The following STXBP5L variants were observed in gnomAD, a reference collection of about 807,000 sequenced individuals.
STXBP5L encodes syntaxin binding protein 5L, also known as syntaxin-binding protein 5-like.
In STXBP5L, 65 loss-of-function variants were observed where a neutral mutation model predicts 144.5. That is an observed-to-expected ratio of 0.45 (90% CI 0.37 to 0.55). The LOEUF (loss-of-function observed/expected upper bound fraction) is 0.55. Ranked by LOEUF, STXBP5L falls within the 20% of genes least tolerant of loss-of-function variation. STXBP5L has a pLI of 0.00. For missense variants in STXBP5L, 1,298 were observed against 1,405.5 expected (o/e 0.92, Z 1.22); for synonymous variants, 505 against 469.6 (o/e 1.08, Z -0.97).
intron 3 of STXBP5L, among the ~76,000 whole-genome samples, chr3:120,970,980 A>G (rs913144798): frequency 2.0e-5 from 3 of 152,134 alleles, no homozygotes; most frequent in Admixed American, 6.6e-5. Context: ...GGGAACACTT[A>G]CAGTGAGCAC....
intron 20 of STXBP5L, among the ~76,000 whole-genome samples, chr3:121,332,249 A>G (rs2044343860): frequency 6.6e-6 from 1 of 152,054 alleles, no homozygotes; most frequent in Non-Finnish European, 1.5e-5. Flanking sequence ...GATCCAAACC[A>G]AGATGAAATC....
At chr3:120,911,576 A>C (rs188233544) in intron 2 of STXBP5L, among the ~76,000 whole-genome samples, 25 of 152,218 alleles carry the variant, frequency 1.6e-4, no homozygotes, top group Non-Finnish European at 3.4e-4. Context: ...GTAATGCATA[A>C]ATGGAAAGGA....
At chr3:121,039,956 GTAGA>G (rs3046074) in intron 3 of STXBP5L, among the ~76,000 whole-genome samples, 15,040 of 151,728 alleles carry the variant, frequency 0.099, 1,161 homozygotes, top group Admixed American at 0.2. Context: ...AGATAGATAG[GTAGA>G]TAGATGGATG....
chr3:121,353,807 C>T (rs922992566), intron 20 of STXBP5L, among the ~76,000 whole-genome samples: 1 of 152,136 alleles, frequency 6.6e-6, no homozygotes, highest in African/African-American at 2.4e-5. Flanking sequence ...CCTGCTTTCT[C>T]TTGTGGACAT....
intron 22 of STXBP5L, among the ~76,000 whole-genome samples, chr3:121,389,044 A>G (rs2046504406): frequency 6.6e-6 from 1 of 152,178 alleles, no homozygotes; most frequent in South Asian, 2.1e-4. Flanking sequence ...TTGGTAGGCT[A>G]TTAATTATTG....
intron 3 of STXBP5L, among the ~76,000 whole-genome samples, chr3:121,034,618 A>G (rs1480621100): frequency 6.6e-6 from 1 of 151,934 alleles, no homozygotes; most frequent in Non-Finnish European, 1.5e-5. Context: ...TTATCGAACC[A>G]TCCATTAATG....
chr3:121,303,853 G>C (rs933775011), intron 19 of STXBP5L, among the ~76,000 whole-genome samples: 2 of 151,878 alleles, frequency 1.3e-5, no homozygotes, highest in Non-Finnish European at 2.9e-5. Flanking sequence ...ACAGGAAGGG[G>C]AACATCACAC....
intron 20 of STXBP5L, among the ~76,000 whole-genome samples, chr3:121,358,247 C>T (rs996263443): frequency 1.2e-4 from 18 of 149,294 alleles, no homozygotes; most frequent in Admixed American, 1.1e-3. Context: ...CCATCCGCAA[C>T]ACCTCCCTAA....
At chr3:121,396,146 G>C (rs540439047) in intron 22 of STXBP5L, among the ~76,000 whole-genome samples, 1 of 152,348 alleles carries the variant, frequency 6.6e-6, no homozygotes, top group East Asian at 1.9e-4. Context: ...TTCAGCTGCT[G>C]ATAACATCTG....
chr3:121,129,530 A>T (rs113262890), intron 7 of STXBP5L, among the ~76,000 whole-genome samples: 3 of 152,072 alleles, frequency 2.0e-5, no homozygotes, highest in Non-Finnish European at 2.9e-5. Context: ...GTATAGATCA[A>T]CACAACCTAT....
chr3:121,239,142 C>G (rs775718703), intron 13 of STXBP5L, 24 bp downstream of exon 13: 1 of 1,391,612 alleles, frequency 7.2e-7, no homozygotes, highest in Non-Finnish European at 9.7e-7. Context: ...TTATAAATAA[C>G]TTTTTTTGTA....
rs1263434926 is a variant in STXBP5L, at chr3:121,223,220, A to G, written c.1111+63A>G. On this transcript the variant is annotated intron_variant, in intron 11 of 26. Coordinates refer to ENST00000471454, the MANE Select transcript of STXBP5L (RefSeq NM_001308330.2). ...ATTTTGGAAATGACAAGTTTCTAAC[A>G]AAATTAAGGTTAAATATTTTCAGAT... The G allele has an allele frequency of 5.4e-6, 8 of 1,493,938 alleles. No homozygotes were observed. The African/African-American group carries it at 1.1e-4, about 21-fold the overall frequency. The allele number at this position is 1,493,938 out of a possible 1,614,324, so 92.5% of individuals were successfully genotyped here. A position where few individuals can be genotyped will look rare whatever the true frequency, so the allele number is the denominator to read the frequency against.
At chr3:121,148,917 T>C (rs930658782) in intron 7 of STXBP5L, among the ~76,000 whole-genome samples, 3 of 152,086 alleles carry the variant, frequency 2.0e-5, no homozygotes, top group Admixed American at 2.0e-4. Context: ...TGAAATTAAA[T>C]TAACTAATGC....
chr3:121,090,772 T>A (rs1273750926), intron 5 of STXBP5L, among the ~76,000 whole-genome samples: 1 of 152,014 alleles, frequency 6.6e-6, no homozygotes, highest in Non-Finnish European at 1.5e-5. Context: ...GAATTTTTTT[T>A]ATTTTTTATT....
chr3:121,190,572 A>C (rs1577163827), intron 9 of STXBP5L, among the ~76,000 whole-genome samples: 1 of 152,046 alleles, frequency 6.6e-6, no homozygotes, highest in South Asian at 2.1e-4. Flanking sequence ...TGTTGGGTAC[A>C]CCTCCCAGAT....
At chr3:121,312,476 T>A (rs2043572711) in intron 19 of STXBP5L, among the ~76,000 whole-genome samples, 1 of 78,814 alleles carries the variant, frequency 1.3e-5, no homozygotes, top group Non-Finnish European at 2.7e-5. Flanking sequence ...TTTTTTTTTT[T>A]TTATTGATCA....
chr3:121,031,217 T>A (rs1469135656), intron 3 of STXBP5L, among the ~76,000 whole-genome samples: 1 of 152,070 alleles, frequency 6.6e-6, no homozygotes, highest in Non-Finnish European at 1.5e-5. Context: ...AGATTTTCAT[T>A]GTAGAAAGAT....
intron 3 of STXBP5L, among the ~76,000 whole-genome samples, chr3:120,970,732 T>G (rs1940149992): frequency 6.6e-6 from 1 of 152,138 alleles, no homozygotes; most frequent in South Asian, 2.1e-4. Flanking sequence ...TTTTAAACCA[T>G]TATTATTATT....
chr3:121,066,417 A>G (rs2041549398), intron 5 of STXBP5L, among the ~76,000 whole-genome samples: 1 of 150,924 alleles, frequency 6.6e-6, no homozygotes, highest in African/African-American at 2.4e-5. Flanking sequence ...TAAATCATGA[A>G]TGGGTGTTGA....
Sources: allele counts gnomAD v4.1 joint callset (sites outside exome capture counted in the v4.1 genomes callset), GRCh38; gene constraint gnomAD v4.1.1; transcripts MANE v1.5; gene names NCBI Gene and HGNC (gene_info 2026-07-23, HGNC 2026-07-21).